The following ELMO1 variants were observed in gnomAD, a reference collection of about 807,000 sequenced individuals.
ELMO1 encodes the protein engulfment and cell motility 1.
A neutral mutation model predicts 98.9 loss-of-function variants in ELMO1; 26 were observed. The observed-to-expected ratio is 0.26, with a 90% CI of 0.19 to 0.36. The LOEUF is 0.36. Among genes scored for constraint, ELMO1 ranks in the 10% least tolerant of loss-of-function variants. The pLI is 1.00. For missense variants in ELMO1, 627 were observed against 935.2 expected, an observed-to-expected ratio of 0.67 and a Z score of 4.30; for synonymous variants, 346 against 346.0, an observed-to-expected ratio of 1.00 and a Z score of 0.00.
At chr7:37,091,449 C>T (rs960790655) in intron 15 of ELMO1, among the ~76,000 whole-genome samples, 2 of 152,094 alleles carry the variant, frequency 1.3e-5, no homozygotes, top group African/African-American at 4.8e-5. Flanking sequence ...TTAATAACAA[C>T]AATAAAAAAT....
chr7:36,889,590 G>C (rs1458837700), intron 17 of ELMO1, among the ~76,000 whole-genome samples: 1 of 152,228 alleles, frequency 6.6e-6, no homozygotes, highest in African/African-American at 2.4e-5. Flanking sequence ...TTAAATAACA[G>C]TTTCACTAGG....
chr7:37,239,865 A>G (rs547292656), intron 7 of ELMO1, among the ~76,000 whole-genome samples: 1 of 152,296 alleles, frequency 6.6e-6, no homozygotes, highest in African/African-American at 2.4e-5. Flanking sequence ...GAAAGCTGCT[A>G]TGAATCTGGA....
intron 16 of ELMO1, among the ~76,000 whole-genome samples, chr7:36,979,461 T>C (rs1382553699): frequency 6.6e-6 from 1 of 152,112 alleles, no homozygotes. Flanking sequence ...GCTCATAAGG[T>C]GGTCTTTGCA....
intron 1 of ELMO1, among the ~76,000 whole-genome samples, chr7:37,406,744 G>A (rs1177230038): frequency 6.6e-6 from 1 of 152,058 alleles, no homozygotes; most frequent in Non-Finnish European, 1.5e-5. Flanking sequence ...ACCAGGCCAA[G>A]AAAATATTCT....
At chr7:36,970,133 T>C (rs1789789929) in intron 16 of ELMO1, among the ~76,000 whole-genome samples, 1 of 151,394 alleles carries the variant, frequency 6.6e-6, no homozygotes, top group Non-Finnish European at 1.5e-5. Context: ...TCTCCTTATA[T>C]ATGTAAACAC....
At chr7:36,935,371 G>A (rs749591969) in intron 16 of ELMO1, among the ~76,000 whole-genome samples, 19 of 152,002 alleles carry the variant, frequency 1.2e-4, no homozygotes, top group Admixed American at 2.6e-4. Context: ...ATCTTTATCA[G>A]CCACACGTAA....
At chr7:37,353,711 T>C (rs1801380775) in intron 1 of ELMO1, 1 of 152,226 alleles carries the variant, frequency 6.6e-6, no homozygotes, top group Non-Finnish European at 1.5e-5. Context: ...GATTGGTTCA[T>C]TTTACAGAGA....
chr7:37,341,577 T>C (rs923314083), intron 2 of ELMO1, among the ~76,000 whole-genome samples: 1 of 152,224 alleles, frequency 6.6e-6, no homozygotes, highest in Non-Finnish European at 1.5e-5. Context: ...TTACCCTTTC[T>C]TACATTTGAG....
intron 1 of ELMO1, among the ~76,000 whole-genome samples, chr7:37,344,733 A>G (rs1398403877): frequency 6.6e-6 from 1 of 152,236 alleles, no homozygotes; most frequent in Non-Finnish European, 1.5e-5. Context: ...GACAGGTTGA[A>G]AAATAAAATC....
intron 1 of ELMO1, among the ~76,000 whole-genome samples, chr7:37,368,869 T>TA (rs541416938): frequency 8.9e-4 from 135 of 152,336 alleles, no homozygotes; most frequent in African/African-American, 3.0e-3. Flanking sequence ...GGGCTATTGG[T>TA]AAATCATTCT....
At chr7:37,039,153 G>T (rs1795359211) in intron 15 of ELMO1, among the ~76,000 whole-genome samples, 1 of 152,116 alleles carries the variant, frequency 6.6e-6, no homozygotes, top group African/African-American at 2.4e-5. Context: ...GATTTAGTTT[G>T]CAAGGACAAC....
intron 15 of ELMO1, among the ~76,000 whole-genome samples, chr7:37,034,569 T>C (rs1434129392): frequency 1.3e-5 from 2 of 152,214 alleles, no homozygotes; most frequent in Non-Finnish European, 2.9e-5. Context: ...GCCTATCAGA[T>C]AGCAAAAACA....
chr7:37,225,886 C>T (rs1469511696), intron 8 of ELMO1, among the ~76,000 whole-genome samples: 1 of 152,074 alleles, frequency 6.6e-6, no homozygotes, highest in Non-Finnish European at 1.5e-5. Flanking sequence ...AATAAAAAGC[C>T]ATTATTATAT....
chr7:37,056,111 T>C (rs1562926305), intron 15 of ELMO1, among the ~76,000 whole-genome samples: 2 of 152,356 alleles, frequency 1.3e-5, no homozygotes, highest in South Asian at 4.1e-4. Flanking sequence ...AAGAAGATTT[T>C]AGTTCTAGTA....
intron 16 of ELMO1, among the ~76,000 whole-genome samples, chr7:36,920,241 T>C (rs1785037946): frequency 6.6e-6 from 1 of 152,246 alleles, no homozygotes; most frequent in South Asian, 2.1e-4. Flanking sequence ...AATGAATGAA[T>C]GAGTGAATGA....
At chr7:36,975,516 G>A (rs1790451882) in intron 16 of ELMO1, among the ~76,000 whole-genome samples, 1 of 151,856 alleles carries the variant, frequency 6.6e-6, no homozygotes, top group East Asian at 1.9e-4. Context: ...TAGTTTCAAA[G>A]AATATAATTT....
At chr7:37,351,643 A>C (rs1801273179) in intron 1 of ELMO1, among the ~76,000 whole-genome samples, 1 of 152,200 alleles carries the variant, frequency 6.6e-6, no homozygotes, top group Non-Finnish European at 1.5e-5. Context: ...AGATAGACAA[A>C]CTAATAAATT....
intron 6 of ELMO1, among the ~76,000 whole-genome samples, chr7:37,247,692 G>A (rs145019944): frequency 6.6e-6 from 1 of 152,288 alleles, no homozygotes; most frequent in African/African-American, 2.4e-5. Context: ...AAAGGAGCGA[G>A]TGAAGAACAA....
intron 15 of ELMO1, among the ~76,000 whole-genome samples, chr7:37,092,914 TC>T (rs1784194287): frequency 6.7e-6 from 1 of 148,186 alleles, no homozygotes; most frequent in African/African-American, 2.6e-5. Flanking sequence ...TCTTTCTTTT[TC>T]TTTTTTTTTT....
Sources: gnomAD v4.1 joint callset for allele counts (sites outside exome capture counted in the v4.1 genomes callset) on GRCh38, gnomAD v4.1.1 for gene constraint, MANE v1.5 for transcripts, NCBI Gene and HGNC (gene_info 2026-07-23, HGNC 2026-07-21) for gene names.